WDR7: variants seen among roughly 807,000 people sequenced by gnomAD.
WDR7 encodes WD repeat domain 7.
In WDR7, 46 loss-of-function variants were observed where a neutral mutation model predicts 169.4. The ratio of observed to expected loss-of-function variants is 0.27; its 90% CI spans 0.21 to 0.35. The LOEUF (loss-of-function observed/expected upper bound fraction) is 0.35, where lower values mean the gene tolerates loss of function less well. Among genes scored for constraint, WDR7 ranks in the 10% least tolerant of loss-of-function variants. WDR7 has a pLI of 1.00. For synonymous variants in WDR7, 612 were observed against 666.8 expected (o/e 0.92, Z 1.27); for missense variants, 1,534 against 1,859.3 (o/e 0.83, Z 3.22).
chr18:56,696,541 A>G, intron 12 of WDR7, 79 bp downstream of exon 12: 2 of 1,168,748 alleles, frequency 1.7e-6, no homozygotes, highest in Non-Finnish European at 2.4e-6. Flanking sequence ...AATGGAATCT[A>G]GACTAACTTA....
chr18:56,811,258 G>A (rs993378627), intron 19 of WDR7, among the ~76,000 whole-genome samples: 1 of 151,532 alleles, frequency 6.6e-6, no homozygotes, highest in Non-Finnish European at 1.5e-5. Context: ...ATGCTTTTGT[G>A]TGGACATATG....
intron 21 of WDR7, among the ~76,000 whole-genome samples, chr18:56,903,099 G>A (rs945097577): frequency 6.6e-6 from 1 of 152,120 alleles, no homozygotes; most frequent in Non-Finnish European, 1.5e-5. Context: ...TGCCTTGGGT[G>A]GTAGTTACTT....
intron 20 of WDR7, among the ~76,000 whole-genome samples, chr18:56,864,457 G>A (rs1005028584): frequency 5.9e-5 from 9 of 151,492 alleles, no homozygotes; most frequent in East Asian, 3.9e-4. Flanking sequence ...AATGTCTTGC[G>A]AAAATGACAT....
At chr18:56,959,411 A>C (rs2047305061) in intron 25 of WDR7, among the ~76,000 whole-genome samples, 1 of 152,188 alleles carries the variant, frequency 6.6e-6, no homozygotes, top group Non-Finnish European at 1.5e-5. Context: ...AATATAATTT[A>C]CATTATTACC....
chr18:56,764,591 T>C (rs1419497698), intron 16 of WDR7, among the ~76,000 whole-genome samples: 2 of 152,146 alleles, frequency 1.3e-5, no homozygotes, highest in Admixed American at 6.6e-5. Flanking sequence ...AAGTATATAA[T>C]ACATTGTTAC....
intron 26 of WDR7, among the ~76,000 whole-genome samples, chr18:56,962,765 C>T (rs2047355653): frequency 6.6e-6 from 1 of 152,136 alleles, no homozygotes; most frequent in Non-Finnish European, 1.5e-5. Flanking sequence ...GGTGGCACTG[C>T]TAACAAACTA....
intron 19 of WDR7, among the ~76,000 whole-genome samples, chr18:56,793,282 A>T (rs898441626): frequency 6.6e-6 from 1 of 152,224 alleles, no homozygotes; most frequent in African/African-American, 2.4e-5. Context: ...GTTCTTATAT[A>T]ACTGTCATTG....
chr18:56,753,214 C>T (rs575923436), intron 14 of WDR7: 1 of 151,982 alleles, frequency 6.6e-6, no homozygotes, highest in Non-Finnish European at 1.5e-5. Context: ...AAATAATTTT[C>T]CTAAAAAAAT....
At chr18:56,902,830 C>T (rs930317301) in intron 21 of WDR7, among the ~76,000 whole-genome samples, 1 of 152,150 alleles carries the variant, frequency 6.6e-6, no homozygotes, top group Admixed American at 6.6e-5. Flanking sequence ...TCTTTTACTG[C>T]AGCAGCATAA....
Position 56,979,592 on chromosome 18 carries a change from A to G in WDR7, c.4164+17063A>G, listed in dbSNP as rs181857178. On this transcript the variant is annotated intron_variant, in intron 26 of 27. Coordinates refer to ENST00000254442, the MANE Select transcript of WDR7 (RefSeq NM_015285.3). ...ATTTTCTCCAATTACTCAGATCAAC[A>G]CAGAATTCAGGATGCCCCTATCTCT... 6.0e-3 allele frequency among the ~76,000 whole-genome samples: 907 copies of G among 152,290 alleles called. 16 individuals are homozygous for G. The highest frequency in any genetic ancestry group is 0.021 in the African/African-American group (866 of 41,574).
intron 26 of WDR7, among the ~76,000 whole-genome samples, chr18:57,015,585 C>T (rs1170973273): frequency 6.6e-6 from 1 of 152,154 alleles, no homozygotes; most frequent in Non-Finnish European, 1.5e-5. Context: ...GAGCAGTTAC[C>T]TCCCTGCCAG....
rs35192329 is a variant in WDR7 at position 57,014,332 on chromosome 18, C to CAAA, written c.4165-6401_4165-6399dup. 1.3e-3 allele frequency among the ~76,000 whole-genome samples: 171 copies of CAAA among 133,254 alleles called. 2 individuals are homozygous for CAAA. The highest frequency in any genetic ancestry group is 0.011 in the South Asian group (43 of 3,936). The allele number at this position is 133,254 out of a possible 152,430, so 87.4% of individuals were successfully genotyped here. A position where few individuals can be genotyped will look rare whatever the true frequency, so the allele number is the denominator to read the frequency against. ...TAGGTGACAGAGTAAGACTCCATCT[C>CAAA]AAAAAAAAAAAAAAGAAGAAAAGGA... On this transcript the variant is annotated intron_variant, in intron 26 of 27. Coordinates refer to ENST00000254442, the MANE Select transcript of WDR7 (RefSeq NM_015285.3).
At chr18:56,742,803 A>G (rs11873946) in intron 14 of WDR7, among the ~76,000 whole-genome samples, 5,309 of 152,116 alleles carry the variant, frequency 0.035, 319 homozygotes, top group African/African-American at 0.12. Flanking sequence ...GTTCTGGGAG[A>G]ACTAGGTGGC....
intron 19 of WDR7, among the ~76,000 whole-genome samples, chr18:56,795,403 G>A (rs1010036797): frequency 1.3e-5 from 2 of 152,090 alleles, no homozygotes; most frequent in Admixed American, 6.5e-5. Flanking sequence ...ACTGTTGCTT[G>A]CCTTTTTGGT....
At chr18:57,016,774 G>GGT (rs2048212840) in intron 26 of WDR7, among the ~76,000 whole-genome samples, 1 of 152,048 alleles carries the variant, frequency 6.6e-6, no homozygotes, top group South Asian at 2.1e-4. Flanking sequence ...GAGAAAAAGG[G>GGT]GTGGGGGTGT....
intron 20 of WDR7, among the ~76,000 whole-genome samples, chr18:56,878,684 A>G (rs910956725): frequency 6.6e-6 from 1 of 152,148 alleles, no homozygotes; most frequent in Non-Finnish European, 1.5e-5. Context: ...CATTTTCATT[A>G]CTCCCTAAAA....
At chr18:56,953,808 C>T (rs2047214277) in intron 25 of WDR7, among the ~76,000 whole-genome samples, 1 of 152,180 alleles carries the variant, frequency 6.6e-6, no homozygotes, top group African/African-American at 2.4e-5. Context: ...GCAGATATAT[C>T]CTTCTGACTC....
Position 57,008,389 on chromosome 18 carries a change from ATT to A in WDR7, c.4165-12355_4165-12354del, listed in dbSNP as rs2048094947. ...TCAGAAAACTCTCTATTGACTATGA[ATT>A]AAGTCCACATTTCTTGACACCACAA... On this transcript the variant is annotated intron_variant, in intron 26 of 27. Coordinates refer to ENST00000254442, the MANE Select transcript of WDR7 (RefSeq NM_015285.3). 2.6e-5 allele frequency among the ~76,000 whole-genome samples: 4 copies of A among 152,294 alleles called. No individual in the cohort carries two copies. The South Asian group carries it at 8.3e-4, about 32-fold the overall frequency.
Position 56,948,467 on chromosome 18 carries a change from AT to A in WDR7, c.4064+9075del, listed in dbSNP as rs200544588. ...CTGTCCCAATTTTTAGTTTAAAAAA[AT>A]ATACGCCCTCAATGTAGCCACTCAG... On this transcript the variant is annotated intron_variant, in intron 25 of 27. Coordinates refer to ENST00000254442, the MANE Select transcript of WDR7 (RefSeq NM_015285.3). Among the ~76,000 whole-genome samples the A allele has an allele frequency of 7.9e-3, 1,209 of 152,298 alleles. 9 individuals are homozygous for A. The highest frequency in any genetic ancestry group is 0.013 in the Admixed American group (204 of 15,302).
Sources: allele counts gnomAD v4.1 joint callset (sites outside exome capture counted in the v4.1 genomes callset), GRCh38; gene constraint gnomAD v4.1.1; transcripts MANE v1.5; gene names NCBI Gene and HGNC (gene_info 2026-07-23, HGNC 2026-07-21).